Variants in PAFAH1B1 observed in about 807,000 individuals in gnomAD.
PAFAH1B1 encodes platelet-activating factor acetylhydrolase IB subunit beta.
Under a neutral mutation model 57.5 loss-of-function variants are expected in PAFAH1B1, and 2 were observed. The observed-to-expected ratio is 0.03, with a 90% confidence interval of 0.01 to 0.11. The LOEUF (loss-of-function observed/expected upper bound fraction) is 0.11, where lower values mean the gene tolerates loss of function less well. PAFAH1B1 is among the 10% of genes least tolerant of loss of function. The probability of loss-of-function intolerance (pLI) is 1.00; values close to 1 mark genes in which losing one functional copy is unlikely to be tolerated. For missense variants in PAFAH1B1, 257 were observed against 512.0 expected (o/e 0.50, Z 4.81); for synonymous variants, 152 against 169.6 (o/e 0.90, Z 0.81).
Position 2,636,327 on chromosome 17 carries a change from G to A in PAFAH1B1, c.-190-1772G>A, listed in dbSNP as rs188152734. Among the ~76,000 whole-genome samples, 572 of 152,224 alleles carry A rather than the reference G, an allele frequency of 3.8e-3. 2 individuals are homozygous for A. The highest frequency in any genetic ancestry group is 0.013 in the African/African-American group (540 of 41,530). ...GCTCCAGGTCAGAAGAATCCTTAAG[G>A]ATTATAAAATAAATTCCTGCTTATA... On this transcript the variant is annotated intron_variant, in intron 1 of 10. Coordinates refer to ENST00000397195, the MANE Select transcript of PAFAH1B1 (RefSeq NM_000430.4).
intron 2 of PAFAH1B1, among the ~76,000 whole-genome samples, chr17:2,664,663 T>TCGCGCG (rs771469012): frequency 7.7e-4 from 83 of 108,254 alleles, no homozygotes; most frequent in Non-Finnish European, 5.3e-4. Context: ...TATCTATCTA[T>TCGCGCG]CGCTCTCTCT....
At chr17:2,667,982 T>C (rs2151661821) in intron 5 of PAFAH1B1, among the ~76,000 whole-genome samples, 1 of 152,036 alleles carries the variant, frequency 6.6e-6, no homozygotes, top group East Asian at 1.9e-4. Context: ...GCCTCTATCC[T>C]AAGGGTTATT....
intron 8 of PAFAH1B1, among the ~76,000 whole-genome samples, chr17:2,675,961 A>G (rs1030018567): frequency 1.3e-5 from 2 of 152,268 alleles, no homozygotes; most frequent in Admixed American, 1.3e-4. Flanking sequence ...TAAATTTATT[A>G]TCTGTTGGTT....
intron 1 of PAFAH1B1, among the ~76,000 whole-genome samples, chr17:2,636,487 C>A (rs1313990893): frequency 6.6e-6 from 1 of 152,114 alleles, no homozygotes; most frequent in Non-Finnish European, 1.5e-5. Context: ...GACTCTTCCT[C>A]TGTTGCCCAG....
intron 1 of PAFAH1B1, among the ~76,000 whole-genome samples, chr17:2,601,387 C>A (rs1274421819): frequency 5.9e-5 from 9 of 151,714 alleles, no homozygotes; most frequent in African/African-American, 2.2e-4. Flanking sequence ...CCCACCTTGG[C>A]CTCCCAAAGT....
chr17:2,635,937 C>G (rs1466016861), intron 1 of PAFAH1B1, among the ~76,000 whole-genome samples: 2 of 61,742 alleles, frequency 3.2e-5, no homozygotes, highest in Middle Eastern at 0.014. Flanking sequence ...CCTGTCTCTA[C>G]AAAAATAGAA....
chr17:2,657,620 C>G (rs541108203), intron 2 of PAFAH1B1, among the ~76,000 whole-genome samples: 27 of 152,334 alleles, frequency 1.8e-4, no homozygotes, highest in Non-Finnish European at 3.1e-4. Context: ...TTCACTTGGT[C>G]CAGCTCAGCT....
chr17:2,609,383 TATC>T (rs2151613646), intron 1 of PAFAH1B1, among the ~76,000 whole-genome samples: 1 of 152,306 alleles, frequency 6.6e-6, no homozygotes, highest in South Asian at 2.1e-4. Context: ...TGGTGTTTAT[TATC>T]GCCCTTGTAT....
intron 1 of PAFAH1B1, among the ~76,000 whole-genome samples, chr17:2,619,304 A>C (rs1376033873): frequency 6.6e-6 from 1 of 152,026 alleles, no homozygotes; most frequent in Non-Finnish European, 1.5e-5. Context: ...GTATGTACCA[A>C]CCACCACACC....
chr17:2,649,281 A>G (rs1299812906), intron 2 of PAFAH1B1, among the ~76,000 whole-genome samples: 1 of 151,768 alleles, frequency 6.6e-6, no homozygotes, highest in East Asian at 1.9e-4. Flanking sequence ...TACAAAAATA[A>G]ACTCTTCCTG....
intron 3 of PAFAH1B1, 134 bp downstream of exon 3, chr17:2,665,590 C>CTT: frequency 1.3e-5 from 7 of 528,810 alleles, no homozygotes; most frequent in Non-Finnish European, 1.7e-5. Flanking sequence ...ATTTTCACTC[C>CTT]TTTTTTTTTT....
intron 1 of PAFAH1B1, among the ~76,000 whole-genome samples, chr17:2,617,842 C>G (rs2068366329): frequency 6.6e-6 from 1 of 152,016 alleles, no homozygotes; most frequent in South Asian, 2.1e-4. Flanking sequence ...ATTGCTTGAA[C>G]CTGGGAGGTG....
intron 1 of PAFAH1B1, among the ~76,000 whole-genome samples, chr17:2,629,806 G>A (rs1430438173): frequency 1.3e-5 from 2 of 152,178 alleles, no homozygotes; most frequent in East Asian, 3.8e-4. Context: ...GTATTTTCCT[G>A]TTGGACAAGG....
chr17:2,628,415 T>A (rs2068518371), intron 1 of PAFAH1B1, among the ~76,000 whole-genome samples: 1 of 152,232 alleles, frequency 6.6e-6, no homozygotes, highest in Non-Finnish European at 1.5e-5. Flanking sequence ...ATCCCTAATA[T>A]GAAACCTACT....
At chr17:2,602,926 C>T (rs1253341019) in intron 1 of PAFAH1B1, among the ~76,000 whole-genome samples, 7 of 152,214 alleles carry the variant, frequency 4.6e-5, no homozygotes, top group East Asian at 1.9e-4. Flanking sequence ...TTTCAGCCAC[C>T]GTACTGTGCT....
chr17:2,665,569 T>C, intron 3 of PAFAH1B1, 113 bp downstream of exon 3: 1 of 654,754 alleles, frequency 1.5e-6, no homozygotes. Flanking sequence ...GTCTACTTGG[T>C]ACTGAACTTG....
intron 4 of PAFAH1B1, among the ~76,000 whole-genome samples, chr17:2,666,624 A>G (rs888678642): frequency 6.6e-6 from 1 of 152,162 alleles, no homozygotes; most frequent in African/African-American, 2.4e-5. Flanking sequence ...TATTATTACC[A>G]TATATAATGT....
intron 1 of PAFAH1B1, among the ~76,000 whole-genome samples, chr17:2,616,830 G>A (rs2068348160): frequency 6.6e-6 from 1 of 151,924 alleles, no homozygotes; most frequent in African/African-American, 2.4e-5. Flanking sequence ...TTGGGAGGCC[G>A]AGGCGAACAG....
At chr17:2,601,247 G>C (rs1282113874) in intron 1 of PAFAH1B1, among the ~76,000 whole-genome samples, 1 of 151,926 alleles carries the variant, frequency 6.6e-6, no homozygotes, top group African/African-American at 2.4e-5. Flanking sequence ...TGATTTTCCT[G>C]CCTCAGCCTT....
Sources: allele counts gnomAD v4.1 joint callset (sites outside exome capture counted in the v4.1 genomes callset), GRCh38; gene constraint gnomAD v4.1.1; transcripts MANE v1.5; gene names NCBI Gene and HGNC (gene_info 2026-07-23, HGNC 2026-07-21).